Variants in FGFR1OP2 observed in about 807,000 individuals in gnomAD.
FGFR1OP2 encodes FGFR1 oncogene partner 2.
In FGFR1OP2, 17 loss-of-function variants were observed where a neutral mutation model predicts 35.2. That is an observed-to-expected ratio of 0.48 (90% CI 0.33 to 0.73). FGFR1OP2 has a LOEUF of 0.73. FGFR1OP2 is among the 30% of genes least tolerant of loss of function. FGFR1OP2 has a pLI of 0.02. For missense variants in FGFR1OP2, 251 were observed against 307.3 expected, an observed-to-expected ratio of 0.82 and a Z score of 1.37; for synonymous variants, 105 against 104.6, an observed-to-expected ratio of 1.00 and a Z score of -0.03.
intron 1 of FGFR1OP2, among the ~76,000 whole-genome samples, chr12:26,953,037 C>T (rs183098097): frequency 1.3e-5 from 2 of 151,680 alleles, no homozygotes; most frequent in African/African-American, 4.8e-5. Context: ...CCAAGGCGGG[C>T]GGATCATGAG....
intron 2 of FGFR1OP2, among the ~76,000 whole-genome samples, chr12:26,956,046 A>T (rs1176156765): frequency 1.3e-5 from 2 of 152,044 alleles, no homozygotes; most frequent in East Asian, 3.9e-4. Flanking sequence ...AAAGCTCATC[A>T]GCTATCGTTA....
chr12:26,949,911 A>C (rs925105040), intron 1 of FGFR1OP2, among the ~76,000 whole-genome samples: 2 of 152,084 alleles, frequency 1.3e-5, no homozygotes, highest in Non-Finnish European at 2.9e-5. Flanking sequence ...ACTATCAAGT[A>C]GCCATTCTGA....
intron 3 of FGFR1OP2, 59 bp from the exon 4 acceptor site, chr12:26,957,542 A>T: frequency 6.8e-7 from 1 of 1,474,658 alleles, no homozygotes; most frequent in South Asian, 1.3e-5. Flanking sequence ...TTAGTGGAAG[A>T]GAATATTTTG....
At chr12:26,950,213 GTTTTTTTTTTTTT>G (rs1174799685) in intron 1 of FGFR1OP2, among the ~76,000 whole-genome samples, 1 of 50,934 alleles carries the variant, frequency 2.0e-5, no homozygotes, top group Non-Finnish European at 3.4e-5. Flanking sequence ...TGTATTCGTT[GTTTTTTTTTTTTT>G]TTTTTTTTTT....
intron 1 of FGFR1OP2, among the ~76,000 whole-genome samples, chr12:26,950,899 A>C (rs1426613049): frequency 6.6e-6 from 1 of 152,234 alleles, no homozygotes; most frequent in African/African-American, 2.4e-5. Flanking sequence ...CAGTAGGTAA[A>C]GGTTGCTGGA....
intron 1 of FGFR1OP2, among the ~76,000 whole-genome samples, chr12:26,942,401 C>T (rs1200381588): frequency 1.3e-5 from 2 of 152,214 alleles, no homozygotes. Flanking sequence ...GCCCAAATGA[C>T]AGTATAAGGT....
chr12:26,943,234 T>G (rs1316007931), intron 1 of FGFR1OP2, among the ~76,000 whole-genome samples: 1 of 152,156 alleles, frequency 6.6e-6, no homozygotes, highest in South Asian at 2.1e-4. Context: ...CTTTGCACCT[T>G]TTTCAAAAAT....
intron 1 of FGFR1OP2, among the ~76,000 whole-genome samples, chr12:26,940,064 T>G (rs1007843838): frequency 3.9e-5 from 6 of 152,232 alleles, no homozygotes; most frequent in African/African-American, 1.4e-4. Flanking sequence ...TTGTATTTTA[T>G]TTTTACAGTA....
chr12:26,954,387 T>C, intron 2 of FGFR1OP2, 94 bp downstream of exon 2: 1 of 1,418,208 alleles, frequency 7.1e-7, no homozygotes, highest in Non-Finnish European at 9.4e-7. Context: ...TTTTTCAACA[T>C]TCTCTAAAAT....
At chr12:26,959,670 A>G (rs560900662) in intron 4 of FGFR1OP2, among the ~76,000 whole-genome samples, 4 of 152,276 alleles carry the variant, frequency 2.6e-5, no homozygotes, top group Admixed American at 1.3e-4. Flanking sequence ...TATTATGTAG[A>G]TTGAATTCTT....
At chr12:26,957,267 T>TCTATTTGA (rs1281356428) in intron 3 of FGFR1OP2, among the ~76,000 whole-genome samples, 2 of 152,162 alleles carry the variant, frequency 1.3e-5, no homozygotes, top group Admixed American at 6.5e-5. Context: ...ATCTCTTAAA[T>TCTATTTGA]CTATTTGACT....
At chr12:26,943,963 T>C (rs1202549860) in intron 1 of FGFR1OP2, among the ~76,000 whole-genome samples, 1 of 152,382 alleles carries the variant, frequency 6.6e-6, no homozygotes, top group East Asian at 1.9e-4. Flanking sequence ...AAATTTTGCA[T>C]ATGTTTTAAT....
At chr12:26,960,841 G>A (rs1244332639) in intron 5 of FGFR1OP2, 3 of 595,458 alleles carry the variant, frequency 5.0e-6, no homozygotes, top group Non-Finnish European at 7.2e-6. Context: ...CAGCCTGTTA[G>A]ATATTTGCAG....
At chr12:26,949,992 C>G (rs943969767) in intron 1 of FGFR1OP2, among the ~76,000 whole-genome samples, 1 of 151,882 alleles carries the variant, frequency 6.6e-6, no homozygotes, top group Non-Finnish European at 1.5e-5. Flanking sequence ...ATTTGACAGG[C>G]CAAATTTTGT....
At chr12:26,950,214 T>TTTTTTTTTTTTTTG (rs1938900794) in intron 1 of FGFR1OP2, among the ~76,000 whole-genome samples, 1 of 43,140 alleles carries the variant, frequency 2.3e-5, no homozygotes, top group Non-Finnish European at 4.3e-5. Context: ...GTATTCGTTG[T>TTTTTTTTTTTTTTG]TTTTTTTTTT....
In FGFR1OP2 at chr12:26,954,145, A is replaced by T. The variant is rs1227766947; in HGVS notation, c.-14A>T. The T allele has an allele frequency of 1.3e-6, 2 of 1,567,742 alleles. No homozygotes were observed. On this transcript the variant is annotated splice_region_variant and 5_prime_UTR_variant, in exon 2 of 7. Coordinates refer to ENST00000229395, the MANE Select transcript of FGFR1OP2 (RefSeq NM_015633.3). ...GTCTTGATTTTAATTTTAATTATAG[A>T]TATATCTTTAGAAATGAGTTGCACA...
In FGFR1OP2 at chr12:26,965,973, C is replaced by A. The variant is rs941418495; in HGVS notation, c.*1240C>A. On this transcript the variant is annotated 3_prime_UTR_variant, in exon 7 of 7. Coordinates refer to ENST00000229395, the MANE Select transcript of FGFR1OP2 (RefSeq NM_015633.3). Reference sequence around the variant, plus strand: ...CAAACATGGTTAAATATATTGTACTCATTTATGTTGAATACGTATTAAAAT... The same window carrying A: ...CAAACATGGTTAAATATATTGTACTAATTTATGTTGAATACGTATTAAAAT... 3.9e-5 allele frequency: 6 copies of A among 152,022 alleles called. No individual in the cohort carries two copies. The highest frequency in any genetic ancestry group is 1.4e-4 in the African/African-American group (6 of 41,520). The allele number at this position is 152,022 out of a possible 1,614,324, so 9.4% of individuals were successfully genotyped here. A position where few individuals can be genotyped will look rare whatever the true frequency, so the allele number is the denominator to read the frequency against.
At chr12:26,946,879 A>G (rs752285266) in intron 1 of FGFR1OP2, among the ~76,000 whole-genome samples, 2 of 152,124 alleles carry the variant, frequency 1.3e-5, no homozygotes, top group African/African-American at 4.8e-5. Flanking sequence ...ATCTACTTTC[A>G]GCCTCTGTGG....
Position 26,954,277 on chromosome 12 carries a change from T to C in FGFR1OP2, c.119T>C (p.Val40Ala). The C allele has an allele frequency of 6.2e-7, 1 of 1,604,992 alleles. No homozygotes were observed. ...CAAACCACAGCTCTCAACAAGCGAG[T>C]AGAAGCCATGAAACAGGTTTGATTT... ...IEQTTALNKR[V>A]EAMKQYQEEI... The change falls in exon 2 of 7, where the codon GTA becomes GCA. Residue 40 changes from valine to alanine, a missense_variant. Physicochemically the swap from Val to Ala is moderately conservative, Grantham distance 64 (BLOSUM62 0). Coordinates refer to ENST00000229395, the MANE Select transcript of FGFR1OP2 (RefSeq NM_015633.3).
Sources: gnomAD v4.1 joint callset for allele counts (sites outside exome capture counted in the v4.1 genomes callset) on GRCh38, gnomAD v4.1.1 for gene constraint, MANE v1.5 for transcripts, NCBI Gene and HGNC (gene_info 2026-07-23, HGNC 2026-07-21) for gene names.